Variants in RFX3 observed in about 807,000 individuals in gnomAD.
RFX3 encodes regulatory factor X3.
Under a neutral mutation model 98.6 loss-of-function variants are expected in RFX3, and 14 were observed. The ratio of observed to expected loss-of-function variants is 0.14; its 90% CI spans 0.09 to 0.22. The LOEUF (loss-of-function observed/expected upper bound fraction) is 0.22. RFX3 is among the 10% of genes least tolerant of loss of function. RFX3 has a pLI of 1.00. For synonymous variants in RFX3, 383 were observed against 328.4 expected, an observed-to-expected ratio of 1.17 and a Z score of -1.80; for missense variants, 639 against 926.9, an observed-to-expected ratio of 0.69 and a Z score of 4.03.
At chr9:3,453,037 G>A (rs1846809626) in intron 1 of RFX3, among the ~76,000 whole-genome samples, 1 of 152,102 alleles carries the variant, frequency 6.6e-6, no homozygotes, top group Admixed American at 6.5e-5. Flanking sequence ...CTAAATCCCA[G>A]CTTCTTCATC....
chr9:3,350,336 G>A (rs371632514), intron 2 of RFX3, among the ~76,000 whole-genome samples: 1 of 152,128 alleles, frequency 6.6e-6, no homozygotes, highest in African/African-American at 2.4e-5. Context: ...ATAAGGATAT[G>A]CAAATATTCT....
intron 2 of RFX3, among the ~76,000 whole-genome samples, chr9:3,378,022 C>G (rs1416461402): frequency 6.6e-6 from 1 of 152,008 alleles, no homozygotes; most frequent in African/African-American, 2.4e-5. Context: ...AAAATAAAAA[C>G]TAAAGATCAA....
intron 1 of RFX3, among the ~76,000 whole-genome samples, chr9:3,463,960 A>C (rs376277982): frequency 9.3e-4 from 141 of 152,274 alleles, no homozygotes; most frequent in African/African-American, 3.3e-3. Context: ...ATAAATAAAA[A>C]TGAAAATAAA....
At chr9:3,470,904 T>C (rs1278538164) in intron 1 of RFX3, among the ~76,000 whole-genome samples, 2 of 152,210 alleles carry the variant, frequency 1.3e-5, no homozygotes, top group East Asian at 3.8e-4. Flanking sequence ...ATTTATCTTA[T>C]TAAGATGTTT....
At chr9:3,325,491 A>T (rs1359273900) in intron 4 of RFX3, among the ~76,000 whole-genome samples, 1 of 152,096 alleles carries the variant, frequency 6.6e-6, no homozygotes, top group Non-Finnish European at 1.5e-5. Context: ...GCTGGGATCT[A>T]ATGTTAGCAA....
chr9:3,256,179 C>T (rs1822117403), intron 14 of RFX3, among the ~76,000 whole-genome samples: 1 of 151,982 alleles, frequency 6.6e-6, no homozygotes, highest in Admixed American at 6.6e-5. Context: ...ACCGTGTTAG[C>T]GAGGATGGTC....
intron 3 of RFX3, among the ~76,000 whole-genome samples, chr9:3,344,268 G>T (rs867716809): frequency 6.6e-6 from 1 of 152,180 alleles, no homozygotes; most frequent in East Asian, 1.9e-4. Context: ...GTTACAGTTT[G>T]AGTATCCTAT....
chr9:3,467,908 C>CA (rs1275746143), intron 1 of RFX3, among the ~76,000 whole-genome samples: 1 of 152,170 alleles, frequency 6.6e-6, no homozygotes, highest in African/African-American at 2.4e-5. Context: ...CACAGAGCAT[C>CA]ATGCAGCAGC....
At chr9:3,442,060 C>T (rs1419294794) in intron 1 of RFX3, among the ~76,000 whole-genome samples, 2 of 151,880 alleles carry the variant, frequency 1.3e-5, no homozygotes, top group Non-Finnish European at 2.9e-5. Context: ...ATTAGCCAGG[C>T]GTGGTGGCAC....
chr9:3,290,508 A>C (rs1384269752), intron 6 of RFX3, among the ~76,000 whole-genome samples: 1 of 152,194 alleles, frequency 6.6e-6, no homozygotes, highest in South Asian at 2.1e-4. Context: ...CACGGTATGC[A>C]TAACTACAGA....
chr9:3,424,517 G>A (rs190266889), intron 1 of RFX3, among the ~76,000 whole-genome samples: 7,850 of 149,476 alleles, frequency 0.053, 621 homozygotes, highest in African/African-American at 0.17. Flanking sequence ...GCCCGCCACC[G>A]CGCCCGGATA....
rs186106772 is a variant in RFX3, at chr9:3,353,706, C to T, written c.118-6942G>A. ...AAGCAGTGTAACTGACTACCCAAAA[C>T]AAAATGTAATATGTTTAAAGGAAGA... is the stretch of plus-strand genomic sequence containing the variant. On this transcript the variant is annotated intron_variant, in intron 2 of 16. Coordinates refer to ENST00000617270, the MANE Select transcript of RFX3 (RefSeq NM_001282116.2). Among the ~76,000 whole-genome samples the T allele has an allele frequency of 2.0e-5, 3 of 152,100 alleles. No individual in the cohort carries two copies. The East Asian group carries it at 5.8e-4, about 29-fold the overall frequency.
At chr9:3,364,818 G>A (rs891195466) in intron 2 of RFX3, 2 of 152,206 alleles carry the variant, frequency 1.3e-5, no homozygotes, top group Non-Finnish European at 2.9e-5. Flanking sequence ...CAGGTCTTAG[G>A]ACTGGGTCTT....
At chr9:3,383,882 G>C (rs1839442527) in intron 2 of RFX3, among the ~76,000 whole-genome samples, 1 of 152,018 alleles carries the variant, frequency 6.6e-6, no homozygotes, top group South Asian at 2.1e-4. Context: ...AAATAAAAAG[G>C]CATAACTTGT....
At chr9:3,384,088 T>TC (rs920093275) in intron 2 of RFX3, among the ~76,000 whole-genome samples, 2 of 152,148 alleles carry the variant, frequency 1.3e-5, no homozygotes, top group Non-Finnish European at 2.9e-5. Flanking sequence ...CAAACTGTGT[T>TC]CCATAAATCC....
Position 3,375,433 on chromosome 9 carries a change from A to G in RFX3, c.117+20039T>C, listed in dbSNP as rs180746856. 1.8e-3 allele frequency among the ~76,000 whole-genome samples: 277 copies of G among 152,340 alleles called. 1 individual carries two copies. The highest frequency in any genetic ancestry group is 3.5e-3 in the Non-Finnish European group (236 of 68,022). ...CACATTTAAATTTATTCAAACTAGC[A>G]TACCATCTAACCATATATTACCAGG... On this transcript the variant is annotated intron_variant, in intron 2 of 16. Transcript: ENST00000617270.
At position 3,517,370 on chromosome 9, in the gene RFX3, C is replaced by T. The variant is rs530621953; in HGVS notation, c.-9+8377G>A. On this transcript the variant is annotated intron_variant, in intron 1 of 16. Coordinates refer to ENST00000617270, the MANE Select transcript of RFX3 (RefSeq NM_001282116.2). ...TCCTTTATATCTTGGCCTGGTCACT[C>T]GCTGTCCTTTCTCCTTTTATCATCT... 2.6e-5 allele frequency among the ~76,000 whole-genome samples: 4 copies of T among 152,280 alleles called. No homozygotes were observed. The East Asian group carries it at 7.7e-4, about 29-fold the overall frequency.
intron 4 of RFX3, among the ~76,000 whole-genome samples, chr9:3,303,916 G>A (rs1300274495): frequency 6.6e-6 from 1 of 152,030 alleles, no homozygotes; most frequent in African/African-American, 2.4e-5. Context: ...GATAACAAAA[G>A]GGGTATTTCT....
At chr9:3,498,148 G>A (rs1044093529) in intron 1 of RFX3, among the ~76,000 whole-genome samples, 2 of 151,956 alleles carry the variant, frequency 1.3e-5, no homozygotes, top group East Asian at 1.9e-4. Flanking sequence ...GTCTACATTA[G>A]CAATCACATA....
Sources: gnomAD v4.1 joint callset for allele counts (sites outside exome capture counted in the v4.1 genomes callset) on GRCh38, gnomAD v4.1.1 for gene constraint, MANE v1.5 for transcripts, NCBI Gene and HGNC (gene_info 2026-07-23, HGNC 2026-07-21) for gene names.